CDK14: variants seen among roughly 807,000 people sequenced by gnomAD.
CDK14 encodes cyclin-dependent kinase 14.
In CDK14, 34 loss-of-function variants were observed where a neutral mutation model predicts 60.7. The ratio of observed to expected loss-of-function variants is 0.56; its 90% confidence interval spans 0.43 to 0.75. CDK14 has a LOEUF of 0.75. Among genes scored for constraint, CDK14 ranks in the 30% least tolerant of loss-of-function variants. The pLI, the probability that CDK14 is intolerant of heterozygous loss-of-function variation, is 0.00. For synonymous variants in CDK14, 197 were observed against 203.7 expected (o/e 0.97, Z 0.28); for missense variants, 482 against 564.1 (o/e 0.85, Z 1.47).
chr7:90,598,704 AT>A (rs796093975), intron 1 of CDK14, among the ~76,000 whole-genome samples: 49 of 87,906 alleles, frequency 5.6e-4, no homozygotes, highest in Admixed American at 1.1e-3. Flanking sequence ...TTATCTAAGG[AT>A]TTTTTTTTTT....
chr7:90,628,599 T>C (rs1236945923), intron 2 of CDK14, among the ~76,000 whole-genome samples: 2 of 151,944 alleles, frequency 1.3e-5, no homozygotes, highest in South Asian at 2.1e-4. Context: ...TGTAGGAGGA[T>C]CAGTAGAGGC....
intron 14 of CDK14, among the ~76,000 whole-genome samples, chr7:91,148,240 T>C (rs1208250313): frequency 6.6e-6 from 1 of 151,952 alleles, no homozygotes. Flanking sequence ...ATTAGCCAGG[T>C]CCAGTGTGGT....
chr7:91,068,807 TAA>T (rs57179045), intron 11 of CDK14, among the ~76,000 whole-genome samples: 24,504 of 67,846 alleles, frequency 0.36, 3,560 homozygotes, highest in East Asian at 0.7. Flanking sequence ...TACCTTATAT[TAA>T]AAAAAAAAAA....
chr7:90,670,834 A>G (rs1425946979), intron 2 of CDK14, among the ~76,000 whole-genome samples: 1 of 152,096 alleles, frequency 6.6e-6, no homozygotes, highest in Non-Finnish European at 1.5e-5. Flanking sequence ...AGATATCCAA[A>G]TCATATCATT....
chr7:90,993,600 A>T (rs1320047859), intron 10 of CDK14, among the ~76,000 whole-genome samples: 1 of 152,150 alleles, frequency 6.6e-6, no homozygotes, highest in Non-Finnish European at 1.5e-5. Context: ...GATCTGCATG[A>T]TTCCTACGTG....
chr7:91,003,650 T>C (rs1444294365), intron 10 of CDK14, among the ~76,000 whole-genome samples: 1 of 152,080 alleles, frequency 6.6e-6, no homozygotes, highest in East Asian at 1.9e-4. Context: ...ATTCCAGAAA[T>C]CCAGGAGCTT....
intron 5 of CDK14, among the ~76,000 whole-genome samples, chr7:90,833,064 G>A (rs1789966231): frequency 6.6e-6 from 1 of 152,218 alleles, no homozygotes; most frequent in Non-Finnish European, 1.5e-5. Context: ...AGAAGTAGCA[G>A]AGGAGTGATA....
intron 2 of CDK14, among the ~76,000 whole-genome samples, chr7:90,720,382 G>A (rs181621824): frequency 6.6e-5 from 10 of 152,316 alleles, no homozygotes; most frequent in African/African-American, 2.2e-4. Flanking sequence ...CAGTGAAGCT[G>A]ACGGACAGTG....
intron 2 of CDK14, among the ~76,000 whole-genome samples, chr7:90,621,941 G>A (rs1349900350): frequency 6.6e-6 from 1 of 152,300 alleles, no homozygotes; most frequent in South Asian, 2.1e-4. Context: ...TTAAGTAGCA[G>A]CTGGAGAGAC....
chr7:90,748,875 C>A (rs1260842390), intron 4 of CDK14, among the ~76,000 whole-genome samples: 2 of 152,164 alleles, frequency 1.3e-5, no homozygotes, highest in African/African-American at 4.8e-5. Context: ...AGGCATGAAC[C>A]ACTGCACCCA....
At chr7:90,917,301 TA>T (rs1046155258) in intron 7 of CDK14, among the ~76,000 whole-genome samples, 3 of 152,138 alleles carry the variant, frequency 2.0e-5, no homozygotes, top group Non-Finnish European at 2.9e-5. Context: ...AAATCAATTA[TA>T]AAAAAATTGA....
At chr7:90,868,911 C>G (rs2117240610) in intron 6 of CDK14, among the ~76,000 whole-genome samples, 1 of 152,244 alleles carries the variant, frequency 6.6e-6, no homozygotes, top group South Asian at 2.1e-4. Flanking sequence ...TCCATTTTAA[C>G]CTGCAACTTA....
chr7:91,210,185 C>A lies in CDK14; in HGVS notation c.*3049C>A, dbSNP rs1055756102. The A allele has an allele frequency of 8.5e-5, 13 of 152,568 alleles. No individual in the cohort carries two copies. The highest frequency in any genetic ancestry group is 3.1e-4 in the African/African-American group (13 of 41,428). 9.5% of individuals were successfully genotyped at this position (152,568 alleles called of 1,614,324 possible). On this transcript the variant is annotated 3_prime_UTR_variant, in exon 15 of 15. Transcript: ENST00000380050. The stretch of plus-strand genomic sequence containing the variant: ...AAACTGTATATGTTACTGCCTTGTA[C>A]TTTTCTCATACACCAAAAACACACC...
At chr7:91,096,464 A>C (rs569324654) in intron 12 of CDK14, among the ~76,000 whole-genome samples, 1 of 152,302 alleles carries the variant, frequency 6.6e-6, no homozygotes, top group East Asian at 1.9e-4. Flanking sequence ...CCTGGCTATC[A>C]GTTTGACTGC....
At chr7:90,931,925 G>T (rs1347408527) in intron 8 of CDK14, among the ~76,000 whole-genome samples, 1 of 151,998 alleles carries the variant, frequency 6.6e-6, no homozygotes, top group Non-Finnish European at 1.5e-5. Context: ...TCAAACACAT[G>T]AATACGTTTT....
At chr7:91,201,592 C>T (rs1364211947) in intron 14 of CDK14, among the ~76,000 whole-genome samples, 1 of 151,914 alleles carries the variant, frequency 6.6e-6, no homozygotes, top group Non-Finnish European at 1.5e-5. Flanking sequence ...ATAAATAGGC[C>T]AGTGAAACAC....
chr7:91,071,810 C>G (rs1471807639), intron 11 of CDK14, among the ~76,000 whole-genome samples: 1 of 152,228 alleles, frequency 6.6e-6, no homozygotes, highest in Non-Finnish European at 1.5e-5. Flanking sequence ...AGCTCTAGGC[C>G]ATGCTCTTCC....
chr7:90,686,239 A>C (rs577697663), intron 2 of CDK14, among the ~76,000 whole-genome samples: 4 of 152,182 alleles, frequency 2.6e-5, no homozygotes, highest in South Asian at 4.2e-4. Flanking sequence ...TTTTGTTTCC[A>C]GTAGTTTTTT....
intron 5 of CDK14, among the ~76,000 whole-genome samples, chr7:90,843,746 C>T (rs559734849): frequency 1.3e-5 from 2 of 152,214 alleles, no homozygotes; most frequent in Non-Finnish European, 2.9e-5. Flanking sequence ...AGTGAAAGTC[C>T]ACCTGATGAT....
Sources: allele counts gnomAD v4.1 joint callset (sites outside exome capture counted in the v4.1 genomes callset), GRCh38; gene constraint gnomAD v4.1.1; transcripts MANE v1.5; gene names NCBI Gene and HGNC (gene_info 2026-07-23, HGNC 2026-07-21).